The following SPART variants were observed in gnomAD, a reference collection of about 807,000 sequenced individuals.
SPART encodes spartin.
In SPART, 35 loss-of-function variants were observed where a neutral mutation model predicts 58.7. The ratio of observed to expected loss-of-function variants is 0.60; its 90% CI spans 0.46 to 0.79. SPART has a LOEUF of 0.79. Among genes scored for constraint, SPART ranks in the 30% least tolerant of loss-of-function variants. The pLI is 0.00. For synonymous variants in SPART, 284 were observed against 280.7 expected, an observed-to-expected ratio of 1.01 and a Z score of -0.12; for missense variants, 730 against 786.1, an observed-to-expected ratio of 0.93 and a Z score of 0.85.
chr13:36,362,808 T>G (rs1430398935), intron 1 of SPART, among the ~76,000 whole-genome samples: 2 of 151,620 alleles, frequency 1.3e-5, no homozygotes, highest in African/African-American at 2.4e-5. Flanking sequence ...TTTTTTTAAA[T>G]GAGATTTTGT....
At chr13:36,342,360 G>T (rs150761871) in intron 1 of SPART, among the ~76,000 whole-genome samples, 1 of 152,214 alleles carries the variant, frequency 6.6e-6, no homozygotes, top group East Asian at 1.9e-4. Context: ...TTTTTTAAAG[G>T]TTATAAAAAC....
intron 8 of SPART, among the ~76,000 whole-genome samples, chr13:36,310,575 C>T (rs1880986950): frequency 6.6e-6 from 1 of 152,132 alleles, no homozygotes; most frequent in African/African-American, 2.4e-5. Context: ...CTAGTTAAAA[C>T]TTCTCTCTCC....
chr13:36,326,362 AG>A, intron 5 of SPART: 1 of 572,706 alleles, frequency 1.7e-6, no homozygotes, highest in Non-Finnish European at 3.0e-6. Flanking sequence ...TCCCAATAGT[AG>A]AACAGAATAA....
At chr13:36,339,497 T>C (rs975358668) in intron 1 of SPART, among the ~76,000 whole-genome samples, 4 of 151,528 alleles carry the variant, frequency 2.6e-5, no homozygotes, top group Non-Finnish European at 5.9e-5. Flanking sequence ...CAGGGCATCA[T>C]GGCATGCACC....
Position 36,304,379 on chromosome 13 carries a change from T to C in SPART, c.1987A>G (p.Lys663Glu), listed in dbSNP as rs1414234492. 2 of 1,614,120 alleles carry C rather than the reference T, an allele frequency of 1.2e-6. No homozygotes were observed. Among genetic ancestry groups the C allele is most frequent in the South Asian group, 2.2e-5 (2 of 91,082 alleles). ...CCAGCACTTCATCATTTATCTTTCT[T>C]CTTTGCCTCCTTTACTTCCTTCGTC... Reference protein sequence around the residue: ...EQTKEVKEAKKKDK With the variant: ...EQTKEVKEAKEKDK The change falls in exon 9 of 9, where the codon AAG (lysine) becomes GAG (glutamate). Residue 663 changes from lysine to glutamate, a missense_variant. Transcript: ENST00000438666.
chr13:36,352,324 C>T (rs1312610790), intron 1 of SPART, among the ~76,000 whole-genome samples: 2 of 152,276 alleles, frequency 1.3e-5, no homozygotes. Context: ...ACATTTCTTA[C>T]TAACCTAATT....
At chr13:36,363,107 A>C (rs746240465) in intron 1 of SPART, among the ~76,000 whole-genome samples, 3 of 152,118 alleles carry the variant, frequency 2.0e-5, no homozygotes, top group Non-Finnish European at 1.5e-5. Context: ...TGGTCCACAG[A>C]CCACACTTTG....
intron 1 of SPART, among the ~76,000 whole-genome samples, chr13:36,360,077 C>T (rs867432961): frequency 6.6e-6 from 1 of 151,706 alleles, no homozygotes; most frequent in East Asian, 1.9e-4. Flanking sequence ...GGGCAGATCA[C>T]GAGGTCAGGA....
In SPART at chr13:36,363,131, G is replaced by A. The variant is rs145685850; in HGVS notation, c.-3+6958C>T. Among the ~76,000 whole-genome samples the A allele has an allele frequency of 1.3e-4, 20 of 152,322 alleles. No homozygotes were observed. The East Asian group carries it at 3.5e-3, about 26-fold the overall frequency. On this transcript the variant is annotated intron_variant, in intron 1 of 8. Transcript: ENST00000355182. Reference sequence around the variant, plus strand: ...GACCACACTTTGAGTGGCATGGAACGAAAGTATTTCAAACAGTCCTTGTAT... The same window carrying A: ...GACCACACTTTGAGTGGCATGGAACAAAAGTATTTCAAACAGTCCTTGTAT...
intron 8 of SPART, among the ~76,000 whole-genome samples, chr13:36,304,969 G>GA (rs796261342): frequency 1.8e-4 from 27 of 152,140 alleles, no homozygotes; most frequent in African/African-American, 6.3e-4. Context: ...TCCCTTTCTA[G>GA]AAATATGAGG....
At chr13:36,349,588 A>C (rs888945320), upstream of SPART, among the ~76,000 whole-genome samples, 10 of 152,312 alleles carry the variant, frequency 6.6e-5, no homozygotes, top group Non-Finnish European at 1.2e-4. Flanking sequence ...TTTGCTCCTC[A>C]GTACCTGGTC....
intron 5 of SPART, among the ~76,000 whole-genome samples, chr13:36,320,299 G>C (rs981789059): frequency 3.3e-5 from 5 of 152,016 alleles, no homozygotes; most frequent in Non-Finnish European, 5.9e-5. Context: ...ACTCCAATCC[G>C]GCCTCTCGCA....
intron 1 of SPART, among the ~76,000 whole-genome samples, chr13:36,344,613 G>A (rs1346139958): frequency 6.6e-6 from 1 of 152,108 alleles, no homozygotes; most frequent in Non-Finnish European, 1.5e-5. Context: ...ACTGGGATTT[G>A]CTATATCCTC....
chr13:36,317,568 C>T (rs1336541492), intron 5 of SPART, among the ~76,000 whole-genome samples: 1 of 151,448 alleles, frequency 6.6e-6, no homozygotes, highest in African/African-American at 2.4e-5. Flanking sequence ...ATTTCTGCAC[C>T]CCATCCCTTA....
At chr13:36,353,811 G>C (rs921262156) in intron 1 of SPART, among the ~76,000 whole-genome samples, 2 of 152,202 alleles carry the variant, frequency 1.3e-5, no homozygotes, top group Admixed American at 6.5e-5. Flanking sequence ...CATGATTTCA[G>C]AGTGGTTGTG....
Position 36,335,287 on chromosome 13 carries a change from G to C in SPART, c.544C>G (p.His182Asp), listed in dbSNP as rs745575019. Residue 182 changes from histidine (H) to aspartate (D), a missense_variant, in exon 2 of 9, where the codon CAC becomes GAC. By Grantham distance (81) the His-to-Asp change is moderately conservative. Transcript: ENST00000438666. ...TCTGTTCCATAGGATACAGTGTAGT[G>C]ACCTTCAGCAGCTTGAGGAGTATAA... ...PAYTPQAAEGHYTVSYGTDSG... is the reference protein window; with the variant it reads ...PAYTPQAAEGDYTVSYGTDSG... 16 of 1,613,970 alleles carry C rather than the reference G, an allele frequency of 9.9e-6. No individual in the cohort carries two copies. The highest frequency in any genetic ancestry group is 2.2e-5 in the East Asian group (1 of 44,896).
intron 1 of SPART, chr13:36,365,956 G>T (rs1886037458): frequency 5.6e-6 from 1 of 178,142 alleles, no homozygotes; most frequent in African/African-American, 2.4e-5. Context: ...CCACCGCTCT[G>T]TCAGACTTAC....
intron 1 of SPART, chr13:36,368,267 A>T (rs1381640313): frequency 2.5e-6 from 1 of 397,714 alleles, no homozygotes; most frequent in East Asian, 8.4e-5. Flanking sequence ...CCTCTGCCCA[A>T]ACCAGGCATA....
intron 1 of SPART, among the ~76,000 whole-genome samples, chr13:36,340,437 A>G (rs1884465274): frequency 6.6e-6 from 1 of 152,128 alleles, no homozygotes; most frequent in Non-Finnish European, 1.5e-5. Context: ...ATTTTAGAAC[A>G]CTAAGCTCAA....
Sources: gnomAD v4.1 joint callset for allele counts (sites outside exome capture counted in the v4.1 genomes callset) on GRCh38, gnomAD v4.1.1 for gene constraint, MANE v1.5 for transcripts, NCBI Gene and HGNC (gene_info 2026-07-23, HGNC 2026-07-21) for gene names.